FHIT: variants seen among roughly 807,000 people sequenced by gnomAD.
FHIT encodes bis(5'-adenosyl)-triphosphatase.
A neutral mutation model predicts 17.9 loss-of-function variants in FHIT; 19 were observed. That is an observed-to-expected ratio of 1.06 (90% CI 0.74 to 1.56). The LOEUF (loss-of-function observed/expected upper bound fraction) is 1.56. Among genes scored for constraint, FHIT ranks in the 40% most tolerant of loss-of-function variants. FHIT has a pLI of 0.00. For synonymous variants in FHIT, 81 were observed against 69.7 expected (o/e 1.16, Z -0.81); for missense variants, 248 against 189.2 (o/e 1.31, Z -1.82).
Position 60,064,701 on chromosome 3 carries a change from A to G in FHIT, c.104-50549T>C, listed in dbSNP as rs924957934. Among the ~76,000 whole-genome samples, 21 of 152,214 alleles carry G rather than the reference A, an allele frequency of 1.4e-4. No individual in the cohort carries two copies. The South Asian group carries it at 2.7e-3, about 20-fold the overall frequency. ...TGAGAATGAAGGAGAACAATGTGAG[A>G]CTATACTGGTCAAAGAGTATTTAGG... On this transcript the variant is annotated intron_variant, in intron 5 of 9. Transcript: ENST00000492590.
chr3:60,935,942 G>A (rs1017637903), intron 3 of FHIT, among the ~76,000 whole-genome samples: 4 of 152,282 alleles, frequency 2.6e-5, no homozygotes, highest in East Asian at 3.9e-4. Flanking sequence ...TCATCAATGC[G>A]TGGCACATAT....
chr3:59,886,944 A>C (rs1703649629), intron 8 of FHIT, among the ~76,000 whole-genome samples: 1 of 152,186 alleles, frequency 6.6e-6, no homozygotes, highest in Non-Finnish European at 1.5e-5. Context: ...CTACCAGAGA[A>C]CCAGACAAAT....
chr3:59,927,894 C>A (rs1434088613), intron 7 of FHIT, among the ~76,000 whole-genome samples: 1 of 152,238 alleles, frequency 6.6e-6, no homozygotes, highest in African/African-American at 2.4e-5. Flanking sequence ...TCTGCGCTGT[C>A]TCTGCTCCTT....
chr3:60,353,021 A>G (rs927893544), intron 5 of FHIT, among the ~76,000 whole-genome samples: 1 of 152,180 alleles, frequency 6.6e-6, no homozygotes, highest in East Asian at 1.9e-4. Flanking sequence ...TCAGTTGATC[A>G]ATTGATTTGT....
chr3:59,846,960 C>T (rs1701743865), intron 8 of FHIT, among the ~76,000 whole-genome samples: 1 of 152,072 alleles, frequency 6.6e-6, no homozygotes, highest in African/African-American at 2.4e-5. Flanking sequence ...TAGTGAGGAT[C>T]CCTAGTGCAT....
intron 5 of FHIT, among the ~76,000 whole-genome samples, chr3:60,496,932 G>A (rs752998552): frequency 4.0e-5 from 6 of 151,830 alleles, no homozygotes; most frequent in Admixed American, 2.0e-4. Flanking sequence ...TTCCTTTTTA[G>A]GGATACAGAT....
At chr3:61,151,788 G>C (rs141357294) in intron 2 of FHIT, among the ~76,000 whole-genome samples, 10 of 151,922 alleles carry the variant, frequency 6.6e-5, no homozygotes, top group Admixed American at 4.6e-4. Flanking sequence ...GGCTGGTCTC[G>C]AGCTCCTGAG....
intron 5 of FHIT, among the ~76,000 whole-genome samples, chr3:60,295,147 G>A (rs11130764): frequency 0.082 from 12,471 of 152,124 alleles, 1,777 homozygotes; most frequent in East Asian, 0.68. Flanking sequence ...CTACTCAGAA[G>A]GCTGAGGTGA....
At chr3:60,768,688 G>C (rs1326363201) in intron 4 of FHIT, among the ~76,000 whole-genome samples, 1 of 152,210 alleles carries the variant, frequency 6.6e-6, no homozygotes, top group African/African-American at 2.4e-5. Context: ...AGGCCAACGG[G>C]CTACGAGGAA....
intron 4 of FHIT, among the ~76,000 whole-genome samples, chr3:60,753,449 T>C (rs2042509583): frequency 6.6e-6 from 1 of 152,186 alleles, no homozygotes; most frequent in African/African-American, 2.4e-5. Context: ...ATTTGGATGT[T>C]AATTTATACA....
chr3:59,856,863 G>T (rs577823124), intron 8 of FHIT, among the ~76,000 whole-genome samples: 1 of 125,976 alleles, frequency 7.9e-6, no homozygotes, highest in South Asian at 2.7e-4. Flanking sequence ...TTAGCTCCCC[G>T]GCTGAGTATT....
At chr3:60,376,901 T>C in intron 5 of FHIT, among the ~76,000 whole-genome samples, 1 of 152,212 alleles carries the variant, frequency 6.6e-6, no homozygotes, top group South Asian at 2.1e-4. Context: ...AAGCTACGAA[T>C]TCCAGAGAAC....
intron 5 of FHIT, among the ~76,000 whole-genome samples, chr3:60,061,992 A>G (rs1273857573): frequency 6.6e-6 from 1 of 152,176 alleles, no homozygotes. Flanking sequence ...AAAAATGAAG[A>G]TACGTCTCAT....
chr3:60,745,300 G>T (rs2042334177), intron 4 of FHIT, among the ~76,000 whole-genome samples: 1 of 152,178 alleles, frequency 6.6e-6, no homozygotes, highest in African/African-American at 2.4e-5. Context: ...AAGCATCATA[G>T]GCAGCGGGAA....
chr3:59,934,284 T>C (rs1330432172), intron 7 of FHIT, among the ~76,000 whole-genome samples: 3 of 152,144 alleles, frequency 2.0e-5, no homozygotes, highest in Admixed American at 2.0e-4. Flanking sequence ...TGAGGAGGTC[T>C]GCCCGATTCC....
chr3:59,801,854 T>C (rs989612333), intron 8 of FHIT, among the ~76,000 whole-genome samples: 2 of 152,194 alleles, frequency 1.3e-5, no homozygotes, highest in African/African-American at 2.4e-5. Context: ...TGACCTTTGC[T>C]CATACCCTGG....
At chr3:60,433,959 C>G (rs1424935728) in intron 5 of FHIT, among the ~76,000 whole-genome samples, 1 of 152,114 alleles carries the variant, frequency 6.6e-6, no homozygotes, top group South Asian at 2.1e-4. Flanking sequence ...CCTGTGATTT[C>G]GGTGTCCTAT....
intron 5 of FHIT, among the ~76,000 whole-genome samples, chr3:60,420,062 T>C (rs1238466506): frequency 1.3e-5 from 2 of 152,174 alleles, no homozygotes; most frequent in African/African-American, 4.8e-5. Flanking sequence ...TTCTGAATCT[T>C]GCTTTATTTC....
At chr3:60,056,433 T>G (rs1378405550) in intron 5 of FHIT, among the ~76,000 whole-genome samples, 1 of 152,268 alleles carries the variant, frequency 6.6e-6, no homozygotes, top group Non-Finnish European at 1.5e-5. Flanking sequence ...GTCCCGATTC[T>G]ATTGTTTGCA....
Sources: allele counts gnomAD v4.1 joint callset (sites outside exome capture counted in the v4.1 genomes callset), GRCh38; gene constraint gnomAD v4.1.1; transcripts MANE v1.5; gene names NCBI Gene and HGNC (gene_info 2026-07-23, HGNC 2026-07-21).